Variants in STXBP5L observed in about 807,000 individuals in gnomAD.
The protein encoded by STXBP5L is syntaxin binding protein 5L, also known as syntaxin-binding protein 5-like.
A neutral mutation model predicts 144.5 loss-of-function variants in STXBP5L; 65 were observed. The observed-to-expected ratio is 0.45, with a 90% CI of 0.37 to 0.55. The LOEUF (loss-of-function observed/expected upper bound fraction) is 0.55. Ranked by LOEUF, STXBP5L falls within the 20% of genes least tolerant of loss-of-function variation. The probability of loss-of-function intolerance (pLI) is 0.00; values close to 1 mark genes in which losing one functional copy is unlikely to be tolerated. For synonymous variants in STXBP5L, 505 were observed against 469.6 expected (o/e 1.08, Z -0.97); for missense variants, 1,298 against 1,405.5 (o/e 0.92, Z 1.22).
At chr3:121,237,298 C>G (rs1046386454) in intron 12 of STXBP5L, among the ~76,000 whole-genome samples, 1 of 152,262 alleles carries the variant, frequency 6.6e-6, no homozygotes, top group East Asian at 1.9e-4. Context: ...TGGCTTGTGC[C>G]CTCTGGAGCA....
At chr3:121,054,885 T>C (rs1389658449) in intron 5 of STXBP5L, among the ~76,000 whole-genome samples, 1 of 148,954 alleles carries the variant, frequency 6.7e-6, no homozygotes, top group East Asian at 1.9e-4. Context: ...TCTGACTGTA[T>C]ACTTTTATGT....
At chr3:121,105,395 AAAAT>A (rs573583424) in intron 5 of STXBP5L, among the ~76,000 whole-genome samples, 34 of 149,742 alleles carry the variant, frequency 2.3e-4, no homozygotes, top group African/African-American at 7.7e-4. Flanking sequence ...ACTCTGTCTC[AAAAT>A]AAATAAATAA....
intron 22 of STXBP5L, among the ~76,000 whole-genome samples, chr3:121,399,410 C>T (rs1382584635): frequency 6.6e-6 from 1 of 152,060 alleles, no homozygotes; most frequent in Admixed American, 6.5e-5. Context: ...CTCAGTGGCA[C>T]TAGAGGAATT....
intron 3 of STXBP5L, among the ~76,000 whole-genome samples, chr3:120,977,497 C>G (rs1255981148): frequency 6.6e-6 from 1 of 152,132 alleles, no homozygotes; most frequent in Non-Finnish European, 1.5e-5. Context: ...ACTGTTTATC[C>G]AATTTGGCAG....
At chr3:121,214,305 GT>G (rs1192285420) in intron 10 of STXBP5L, among the ~76,000 whole-genome samples, 1 of 152,108 alleles carries the variant, frequency 6.6e-6, no homozygotes. Flanking sequence ...ATGTTAGGGT[GT>G]CAATTTTAGA....
intron 22 of STXBP5L, among the ~76,000 whole-genome samples, chr3:121,400,324 G>T (rs528315407): frequency 3.3e-5 from 5 of 152,268 alleles, no homozygotes; most frequent in Admixed American, 2.6e-4. Context: ...GGTGGTCGGG[G>T]TCAGGCACAT....
At chr3:120,996,537 T>C (rs1012506785) in intron 3 of STXBP5L, among the ~76,000 whole-genome samples, 1 of 152,158 alleles carries the variant, frequency 6.6e-6, no homozygotes, top group South Asian at 2.1e-4. Flanking sequence ...ATAGTCATCA[T>C]GCTCTAAATT....
chr3:120,978,078 G>T (rs376839138), intron 3 of STXBP5L, among the ~76,000 whole-genome samples: 5 of 152,218 alleles, frequency 3.3e-5, no homozygotes, highest in Admixed American at 2.6e-4. Flanking sequence ...TTTCCTGAAT[G>T]TGAATGTTGG....
intron 3 of STXBP5L, among the ~76,000 whole-genome samples, chr3:121,018,799 G>A (rs945581308): frequency 3.3e-5 from 5 of 152,214 alleles, no homozygotes; most frequent in African/African-American, 9.6e-5. Flanking sequence ...AGAACAGCAT[G>A]TGGAGACCCA....
chr3:121,281,764 C>CA (rs1395572228), intron 19 of STXBP5L, among the ~76,000 whole-genome samples: 1 of 151,864 alleles, frequency 6.6e-6, no homozygotes, highest in Non-Finnish European at 1.5e-5. Context: ...GTTATAAACT[C>CA]AGTTTGTGTT....
intron 14 of STXBP5L, among the ~76,000 whole-genome samples, chr3:121,247,385 C>A (rs188296323): frequency 6.6e-6 from 1 of 152,252 alleles, no homozygotes; most frequent in East Asian, 1.9e-4. Flanking sequence ...TTCAGGGATA[C>A]ATGTGTAGGA....
intron 7 of STXBP5L, among the ~76,000 whole-genome samples, chr3:121,146,097 A>G (rs1356026732): frequency 6.6e-6 from 1 of 152,026 alleles, no homozygotes; most frequent in Non-Finnish European, 1.5e-5. Context: ...AACACAGACT[A>G]AATTACAATC....
intron 18 of STXBP5L, among the ~76,000 whole-genome samples, chr3:121,275,536 G>A (rs2050854973): frequency 6.6e-6 from 1 of 152,060 alleles, no homozygotes; most frequent in Non-Finnish European, 1.5e-5. Flanking sequence ...ATAAATTTTA[G>A]TTCAGTGAAG....
chr3:120,996,488 T>G (rs955111581), intron 3 of STXBP5L, among the ~76,000 whole-genome samples: 4 of 152,120 alleles, frequency 2.6e-5, no homozygotes, highest in African/African-American at 9.7e-5. Context: ...GGTCTGTTCT[T>G]TTAGCAAACT....
intron 14 of STXBP5L, among the ~76,000 whole-genome samples, chr3:121,243,394 G>A (rs984933592): frequency 6.6e-6 from 1 of 152,126 alleles, no homozygotes; most frequent in Admixed American, 6.5e-5. Context: ...AAAGGTTTGA[G>A]AGGCTCTTAG....
At chr3:121,033,118 C>T (rs1158340737) in intron 3 of STXBP5L, among the ~76,000 whole-genome samples, 4 of 108,644 alleles carry the variant, frequency 3.7e-5, no homozygotes, top group Non-Finnish European at 7.4e-5. Flanking sequence ...AAGACACATG[C>T]ACACGTATGT....
At chr3:121,184,101 T>C (rs2047271133) in intron 9 of STXBP5L, among the ~76,000 whole-genome samples, 2 of 151,676 alleles carry the variant, frequency 1.3e-5, no homozygotes, top group East Asian at 3.9e-4. Flanking sequence ...TCCATGAAGA[T>C]GAGAAAAAAA....
intron 3 of STXBP5L, among the ~76,000 whole-genome samples, chr3:120,976,787 T>C (rs973021634): frequency 7.9e-5 from 12 of 152,240 alleles, no homozygotes; most frequent in Non-Finnish European, 1.6e-4. Flanking sequence ...TATTCCTGCC[T>C]TCATTTCGTT....
At chr3:121,127,551 C>T (rs984427766) in intron 7 of STXBP5L, among the ~76,000 whole-genome samples, 1 of 151,666 alleles carries the variant, frequency 6.6e-6, no homozygotes, top group African/African-American at 2.4e-5. Context: ...TCTATGTCTT[C>T]TCCTCTTTTT....
Sources: allele counts gnomAD v4.1 joint callset (sites outside exome capture counted in the v4.1 genomes callset), GRCh38; gene constraint gnomAD v4.1.1; transcripts MANE v1.5; gene names NCBI Gene and HGNC (gene_info 2026-07-23, HGNC 2026-07-21).